Variants in NRG1 observed in about 807,000 individuals in gnomAD.
NRG1 encodes pro-neuregulin-1, membrane-bound isoform.
NRG1 carries 18 observed loss-of-function variants against 63.8 expected under a neutral mutation model. The observed-to-expected ratio is 0.28, with a 90% CI of 0.19 to 0.42. NRG1 has a LOEUF of 0.42. Ranked by LOEUF, NRG1 falls within the 10% of genes least tolerant of loss-of-function variation. NRG1 has a pLI of 1.00. For synonymous variants in NRG1, 302 were observed against 301.3 expected (o/e 1.00, Z -0.02); for missense variants, 762 against 814.7 (o/e 0.94, Z 0.79).
At chr8:32,511,400 A>ATATATATATAT (rs1554567530) in intron 1 of NRG1, among the ~76,000 whole-genome samples, 3 of 108,554 alleles carry the variant, frequency 2.8e-5, no homozygotes, top group African/African-American at 9.7e-5. Context: ...TATATATATA[A>ATATATATATAT]ATAAAATAAA....
chr8:32,291,344 C>T (rs1344046407), intron 1 of NRG1, among the ~76,000 whole-genome samples: 1 of 152,148 alleles, frequency 6.6e-6, no homozygotes, highest in African/African-American at 2.4e-5. Flanking sequence ...CTGGCATACA[C>T]TGTGAAACCA....
chr8:32,081,403 T>C (rs1827446466), intron 1 of NRG1, among the ~76,000 whole-genome samples: 1 of 152,166 alleles, frequency 6.6e-6, no homozygotes, highest in African/African-American at 2.4e-5. Context: ...TTCCCTTTCA[T>C]TTATTTTACT....
chr8:32,066,762 T>C (rs1346603541), intron 1 of NRG1, among the ~76,000 whole-genome samples: 2 of 152,198 alleles, frequency 1.3e-5, no homozygotes, highest in Non-Finnish European at 1.5e-5. Flanking sequence ...GCATTGAATC[T>C]GTAAATTACC....
chr8:32,201,869 A>C (rs1843532055), intron 1 of NRG1, among the ~76,000 whole-genome samples: 1 of 152,216 alleles, frequency 6.6e-6, no homozygotes, highest in Admixed American at 6.5e-5. Flanking sequence ...GGACCTCAAG[A>C]AGTTAATGTG....
chr8:32,267,290 T>G (rs1358007148), intron 1 of NRG1, among the ~76,000 whole-genome samples: 1 of 152,164 alleles, frequency 6.6e-6, no homozygotes. Flanking sequence ...ATTTTGTAAT[T>G]CCATTGTAAA....
intron 3 of NRG1, among the ~76,000 whole-genome samples, chr8:32,609,680 T>A (rs868722139): frequency 1.1e-4 from 16 of 144,454 alleles, no homozygotes; most frequent in African/African-American, 3.4e-4. Flanking sequence ...TTTTTTTTTT[T>A]AAATGGTGTT....
At chr8:32,330,999 G>A (rs1802575453) in intron 1 of NRG1, among the ~76,000 whole-genome samples, 1 of 152,056 alleles carries the variant, frequency 6.6e-6, no homozygotes, top group Admixed American at 6.6e-5. Flanking sequence ...TGAGGAAAAA[G>A]AGTTTTATTC....
chr8:31,862,256 TTGGGAGAG>T, intron 1 of NRG1, among the ~76,000 whole-genome samples: 1 of 152,228 alleles, frequency 6.6e-6, no homozygotes, highest in East Asian at 1.9e-4. Flanking sequence ...AGGAGAAAAG[TTGGGAGAG>T]TGGGAGAGAT....
chr8:32,446,277 G>A (rs2129487766), intron 1 of NRG1, among the ~76,000 whole-genome samples: 2 of 152,270 alleles, frequency 1.3e-5, no homozygotes, highest in Admixed American at 1.3e-4. Context: ...GCAGCCGAGT[G>A]ATTTACTTCT....
intron 1 of NRG1, among the ~76,000 whole-genome samples, chr8:31,645,709 C>T (rs1043781746): frequency 2.0e-5 from 3 of 152,234 alleles, no homozygotes; most frequent in East Asian, 1.9e-4. Context: ...TTTTTCCCTA[C>T]GGAAAATAGT....
chr8:31,695,788 C>T (rs1810000957), intron 1 of NRG1, among the ~76,000 whole-genome samples: 2 of 152,076 alleles, frequency 1.3e-5, no homozygotes, highest in South Asian at 4.2e-4. Flanking sequence ...ATAGTTTGAG[C>T]TCTTGTTATT....
Position 32,186,021 on chromosome 8 carries a change from A to G in NRG1, c.38-409807A>G, listed in dbSNP as rs564145309. Among the ~76,000 whole-genome samples, 13 of 152,322 alleles carry G rather than the reference A, an allele frequency of 8.5e-5. No individual in the cohort carries two copies. The South Asian group carries it at 2.7e-3, about 32-fold the overall frequency. ...GATCTTATAGAAGTTACTCCATAAG[A>G]AGCCAAAGCATTTTCCTCAAAGTAT... On this transcript the variant is annotated intron_variant, in intron 1 of 10. Transcript: ENST00000519301.
chr8:32,344,324 CTCTTTCTTTCTTTCTTTCTTTCTT>C (rs765116407), intron 1 of NRG1, among the ~76,000 whole-genome samples: 3 of 64,096 alleles, frequency 4.7e-5, no homozygotes, highest in Admixed American at 3.2e-4. Context: ...TTCCTTCTTT[CTCTTTCTTTCTTTCTTTCTTTCTT>C]TCTTTCTTTC....
intron 1 of NRG1, among the ~76,000 whole-genome samples, chr8:32,232,338 G>A (rs916690446): frequency 3.3e-5 from 5 of 152,190 alleles, no homozygotes; most frequent in African/African-American, 7.2e-5. Flanking sequence ...AAGATGGGTA[G>A]TGTTTTGTTT....
At chr8:32,719,600 T>C (rs981942687) in intron 5 of NRG1, among the ~76,000 whole-genome samples, 4 of 152,138 alleles carry the variant, frequency 2.6e-5, no homozygotes, top group African/African-American at 9.6e-5. Flanking sequence ...TCAGATTTCC[T>C]ACATTTGTAA....
intron 5 of NRG1, among the ~76,000 whole-genome samples, chr8:32,638,585 C>T (rs951830019): frequency 3.3e-5 from 5 of 152,134 alleles, no homozygotes; most frequent in African/African-American, 1.2e-4. Flanking sequence ...GCCTCATCCT[C>T]CCTAGTAGTT....
chr8:31,982,990 C>T (rs7840880), intron 1 of NRG1, among the ~76,000 whole-genome samples: 8,815 of 152,060 alleles, frequency 0.058, 827 homozygotes, highest in African/African-American at 0.2. Flanking sequence ...GAAAGCTGTG[C>T]CTTCTCTTCA....
rs141048698 is a variant in NRG1, at chr8:32,191,775, G to A, written c.38-404053G>A. Among the ~76,000 whole-genome samples, 766 of 152,280 alleles carry A rather than the reference G, an allele frequency of 5.0e-3. 7 individuals carry two copies. Among genetic ancestry groups the A allele is most frequent in the African/African-American group, 0.017 (723 of 41,560 alleles). ...CACACTGCTGCCCATTTTAATGTTG[G>A]CCAGCAGCCAGGACAAAGAGCCAAG... On this transcript the variant is annotated intron_variant, in intron 1 of 10. Transcript: ENST00000519301.
intron 1 of NRG1, among the ~76,000 whole-genome samples, chr8:32,514,737 G>A (rs1829617126): frequency 1.3e-5 from 2 of 152,032 alleles, no homozygotes; most frequent in Admixed American, 6.6e-5. Flanking sequence ...TTGAAAATTT[G>A]ATACACTGGA....
Sources: gnomAD v4.1 joint callset for allele counts (sites outside exome capture counted in the v4.1 genomes callset) on GRCh38, gnomAD v4.1.1 for gene constraint, MANE v1.5 for transcripts, NCBI Gene and HGNC (gene_info 2026-07-23, HGNC 2026-07-21) for gene names.